Variants in CATSPERB observed in about 807,000 individuals in gnomAD.
CATSPERB encodes the protein catsper channel auxiliary subunit beta.
Under a neutral mutation model 128.3 loss-of-function variants are expected in CATSPERB, and 93 were observed. The ratio of observed to expected loss-of-function variants is 0.72; its 90% CI spans 0.61 to 0.86. The LOEUF is 0.86. CATSPERB is among the 40% of genes least tolerant of loss of function. The probability of loss-of-function intolerance (pLI) is 0.00; values close to 1 mark genes in which losing one functional copy is unlikely to be tolerated. For synonymous variants in CATSPERB, 381 were observed against 448.8 expected, an observed-to-expected ratio of 0.85 and a Z score of 1.91; for missense variants, 1,153 against 1,329.5, an observed-to-expected ratio of 0.87 and a Z score of 2.06.
At chr14:91,661,725 T>C (rs546348198) in intron 14 of CATSPERB, among the ~76,000 whole-genome samples, 2 of 151,980 alleles carry the variant, frequency 1.3e-5, no homozygotes, top group African/African-American at 4.8e-5. Context: ...GTTTTTGCCA[T>C]GTTGCCCAGG....
chr14:91,583,748 A>C (rs1893249487), intron 26 of CATSPERB, among the ~76,000 whole-genome samples: 1 of 152,228 alleles, frequency 6.6e-6, no homozygotes, highest in South Asian at 2.1e-4. Flanking sequence ...ATTAACATTA[A>C]GACAATACTA....
intron 5 of CATSPERB, among the ~76,000 whole-genome samples, chr14:91,712,880 A>C (rs1895865168): frequency 6.6e-6 from 1 of 152,186 alleles, no homozygotes; most frequent in Non-Finnish European, 1.5e-5. Flanking sequence ...AAACTAGAGT[A>C]CTCAGAGAAA....
chr14:91,651,747 C>T (rs1170573297), intron 15 of CATSPERB, among the ~76,000 whole-genome samples: 2 of 152,110 alleles, frequency 1.3e-5, no homozygotes, highest in Admixed American at 1.3e-4. Context: ...ATTGGAGTAG[C>T]TGCAGTTGAT....
chr14:91,594,653 T>A (rs893300547), intron 22 of CATSPERB, among the ~76,000 whole-genome samples: 1 of 152,130 alleles, frequency 6.6e-6, no homozygotes, highest in African/African-American at 2.4e-5. Flanking sequence ...AAAAATGGAC[T>A]AATACAATGG....
At chr14:91,692,559 C>T (rs1469825243) in intron 9 of CATSPERB, among the ~76,000 whole-genome samples, 1 of 152,128 alleles carries the variant, frequency 6.6e-6, no homozygotes, top group Non-Finnish European at 1.5e-5. Flanking sequence ...TAAGAAATAT[C>T]TGTGTCTCAA....
rs536527880 is a variant in CATSPERB, at chr14:91,689,849, C to T, written c.864+1674G>A. ...TTTTCTAACAAATTCTTAACTTATT[C>T]CCCATATTGGTTCTCCTTACAAAGA... On this transcript the variant is annotated intron_variant, in intron 10 of 26. Transcript: ENST00000256343. Among the ~76,000 whole-genome samples, 5 of 152,162 alleles carry T rather than the reference C, an allele frequency of 3.3e-5. No homozygotes were observed. The East Asian group carries it at 9.6e-4, about 29-fold the overall frequency.
intron 20 of CATSPERB, among the ~76,000 whole-genome samples, chr14:91,613,383 A>G (rs976907913): frequency 6.6e-6 from 1 of 152,208 alleles, no homozygotes; most frequent in African/African-American, 2.4e-5. Context: ...TGAAAGGATT[A>G]GAACATACAG....
At chr14:91,670,011 T>G in intron 13 of CATSPERB, 39 bp from the exon 14 acceptor site, 1 of 1,567,666 alleles carries the variant, frequency 6.4e-7, no homozygotes, top group South Asian at 1.2e-5. Context: ...AAGACTAGTC[T>G]GTGTTACAAA....
At chr14:91,616,228 C>A (rs12431910) in intron 20 of CATSPERB, among the ~76,000 whole-genome samples, 2,191 of 152,178 alleles carry the variant, frequency 0.014, 47 homozygotes, top group African/African-American at 0.049. Flanking sequence ...TCTCAGCAAC[C>A]GTGTACAAGT....
At chr14:91,605,274 C>G (rs1009960447) in intron 22 of CATSPERB, 1 of 1,138,512 alleles carries the variant, frequency 8.8e-7, no homozygotes, top group Non-Finnish European at 1.3e-6. Context: ...CAGACGGATG[C>G]GTTGGAGCAA....
Position 91,603,833 on chromosome 14 carries a change from G to C in CATSPERB, c.2709+4461C>G, listed in dbSNP as rs1049904234. On this transcript the variant is annotated intron_variant, in intron 22 of 26. Coordinates refer to ENST00000256343, the MANE Select transcript of CATSPERB (RefSeq NM_024764.4). ...TGGGATGGTGCTAAACCATTCGTGA[G>C]AGACTGCCCCCATCATACATGAGGC... is the stretch of plus-strand genomic sequence containing the variant. Among the ~76,000 whole-genome samples, 7 of 152,176 alleles carry C rather than the reference G, an allele frequency of 4.6e-5. No homozygotes were observed. In the South Asian group the frequency reaches 1.2e-3, roughly 27 times the overall value.
intron 15 of CATSPERB, among the ~76,000 whole-genome samples, chr14:91,639,804 G>A (rs1894458497): frequency 6.6e-6 from 1 of 151,730 alleles, no homozygotes; most frequent in South Asian, 2.1e-4. Context: ...CCCTTGGAAG[G>A]AGCTAGAGTG....
rs11848766 is a variant in CATSPERB, at chr14:91,691,946, C to A, written c.832-391G>T. On this transcript the variant is annotated intron_variant, in intron 9 of 26. Transcript: ENST00000256343. The stretch of plus-strand genomic sequence containing the variant: ...GTAATCCTAGCACTTTGGGAGGCCG[C>A]GATAGGCGGATCACGAGGTCAGGAG... Among the ~76,000 whole-genome samples the A allele has an allele frequency of 9.3e-3, 1,416 of 152,128 alleles. 21 individuals carry two copies. Among genetic ancestry groups the A allele is most frequent in the African/African-American group, 0.032 (1,320 of 41,514 alleles).
At chr14:91,604,393 C>T (rs2139771260) in intron 22 of CATSPERB, 2 of 995,422 alleles carry the variant, frequency 2.0e-6, no homozygotes, top group Non-Finnish European at 3.2e-6. Flanking sequence ...ATGTCAATTG[C>T]ACTCTTCTTC....
chr14:91,693,167 C>T lies in CATSPERB; in HGVS notation c.790G>A (p.Val264Ile). The T allele has an allele frequency of 6.2e-7, 1 of 1,613,714 alleles. No homozygotes were observed. The highest frequency in any genetic ancestry group is 8.5e-7 in the Non-Finnish European group (1 of 1,179,836). Reference protein sequence around the residue: ...LVILTSLGLFVSEDLRYPSRH... With the variant: ...LVILTSLGLFISEDLRYPSRH... Reference sequence around the variant, plus strand: ...GATGGATAACGAAGATCTTCACTTACAAAAAGGCCCAAAGAGGTGAGGATA... The same window carrying T: ...GATGGATAACGAAGATCTTCACTTATAAAAAGGCCCAAAGAGGTGAGGATA... Residue 264 changes from valine (V) to isoleucine (I), a missense_variant, in exon 9 of 27, where the codon GTA (valine) becomes ATA (isoleucine). Physicochemically the swap from Val to Ile is conservative, Grantham distance 29 (BLOSUM62 3). Coordinates refer to ENST00000256343, the MANE Select transcript of CATSPERB (RefSeq NM_024764.4).
At chr14:91,585,331 C>G (rs150262315) in intron 26 of CATSPERB, among the ~76,000 whole-genome samples, 82 of 152,262 alleles carry the variant, frequency 5.4e-4, no homozygotes, top group African/African-American at 1.9e-3. Flanking sequence ...TTCATGGACA[C>G]TGATAACATA....
chr14:91,685,720 C>T (rs1296031141), intron 10 of CATSPERB, among the ~76,000 whole-genome samples: 1 of 152,100 alleles, frequency 6.6e-6, no homozygotes, highest in African/African-American at 2.4e-5. Flanking sequence ...GGAAGCAGTG[C>T]ATGCTAAGAA....
At chr14:91,637,492 T>A (rs1437058230) in intron 16 of CATSPERB, among the ~76,000 whole-genome samples, 1 of 152,102 alleles carries the variant, frequency 6.6e-6, no homozygotes, top group Non-Finnish European at 1.5e-5. Flanking sequence ...GGCAAGTGTA[T>A]CCTAGGGAAA....
At chr14:91,729,946 T>G (rs1896186428) in intron 1 of CATSPERB, among the ~76,000 whole-genome samples, 2 of 152,108 alleles carry the variant, frequency 1.3e-5, no homozygotes, top group Admixed American at 6.5e-5. Flanking sequence ...CTCAGGCTTG[T>G]GTTTTGTAGC....
Sources: gnomAD v4.1 joint callset for allele counts (sites outside exome capture counted in the v4.1 genomes callset) on GRCh38, gnomAD v4.1.1 for gene constraint, MANE v1.5 for transcripts, NCBI Gene and HGNC (gene_info 2026-07-23, HGNC 2026-07-21) for gene names.